The following TMEM45A variants were observed in gnomAD, a reference collection of about 807,000 sequenced individuals.
TMEM45A encodes DNA polymerase-transactivated protein 4.
TMEM45A carries 25 observed loss-of-function variants against 32.0 expected under a neutral mutation model. That is an observed-to-expected ratio of 0.78 (90% CI 0.57 to 1.09). The LOEUF (loss-of-function observed/expected upper bound fraction) is 1.09. Ranked by LOEUF, TMEM45A falls within the 50% of genes least tolerant of loss-of-function variation. TMEM45A has a pLI of 0.00. For synonymous variants in TMEM45A, 122 were observed against 114.8 expected (o/e 1.06, Z -0.40); for missense variants, 302 against 325.0 (o/e 0.93, Z 0.54).
In TMEM45A at chr3:100,539,727, C is replaced by T. The variant is rs540511460; in HGVS notation, c.-3-15482C>T. ...TTATTCTACCTTTTTGTTCTATTCA[C>T]GCCCTCCATGGATTGAATGATGCCC... On this transcript the variant is annotated intron_variant, in intron 1 of 5. Transcript: ENST00000323523. Among the ~76,000 whole-genome samples, 17 of 152,166 alleles carry T rather than the reference C, an allele frequency of 1.1e-4. No individual in the cohort carries two copies. The East Asian group carries it at 1.4e-3, about 12-fold the overall frequency.
intron 1 of TMEM45A, among the ~76,000 whole-genome samples, chr3:100,550,322 G>A (rs1197937684): frequency 1.3e-5 from 2 of 152,108 alleles, no homozygotes; most frequent in African/African-American, 4.8e-5. Flanking sequence ...ATTTGCAGGA[G>A]AAAGTGCTGG....
At chr3:100,571,368 T>A (rs993408400) in intron 5 of TMEM45A, 1 of 151,964 alleles carries the variant, frequency 6.6e-6, no homozygotes, top group Non-Finnish European at 1.5e-5. Context: ...TTTTTTAATT[T>A]TTTTTGCCAA....
chr3:100,558,948 T>C (rs1261299834), intron 4 of TMEM45A, among the ~76,000 whole-genome samples: 1 of 152,218 alleles, frequency 6.6e-6, no homozygotes, highest in Non-Finnish European at 1.5e-5. Flanking sequence ...TATTGAGAAA[T>C]AACTATGTGT....
At chr3:100,509,964 T>C (rs1035929766) in intron 1 of TMEM45A, among the ~76,000 whole-genome samples, 1 of 151,884 alleles carries the variant, frequency 6.6e-6, no homozygotes, top group Non-Finnish European at 1.5e-5. Flanking sequence ...GCTCGGAGGG[T>C]CCTACGCCCA....
intron 1 of TMEM45A, among the ~76,000 whole-genome samples, chr3:100,553,136 T>C (rs1477481001): frequency 6.6e-6 from 1 of 152,230 alleles, no homozygotes; most frequent in Non-Finnish European, 1.5e-5. Context: ...TAATTCATTT[T>C]AAATTTATGA....
At chr3:100,493,777 G>C (rs1304499158) in intron 1 of TMEM45A, among the ~76,000 whole-genome samples, 1 of 152,102 alleles carries the variant, frequency 6.6e-6, no homozygotes, top group Non-Finnish European at 1.5e-5. Flanking sequence ...TGTCGCCAAG[G>C]CTGGAGTGCA....
At chr3:100,560,504 G>C (rs1706311082) in intron 4 of TMEM45A, among the ~76,000 whole-genome samples, 3 of 151,902 alleles carry the variant, frequency 2.0e-5, no homozygotes. Flanking sequence ...ACACTTTTAA[G>C]TTTCCAAAAA....
Position 100,549,967 on chromosome 3 carries a change from G to A in TMEM45A, c.-3-5242G>A, listed in dbSNP as rs1268656089. 6.7e-4 allele frequency among the ~76,000 whole-genome samples: 97 copies of A among 143,850 alleles called. 1 individual carries two copies. Among genetic ancestry groups the A allele is most frequent in the African/African-American group, 2.2e-3 (86 of 38,694 alleles). The allele number at this position is 143,850 out of a possible 152,430, so 94.4% of individuals were successfully genotyped here. On this transcript the variant is annotated intron_variant, in intron 1 of 5. Transcript: ENST00000323523. ...CCACATTTTCTTAATCCAGTCTATC[G>A]TTGTTGGACATTTGGGTTGGTTCCA...
Position 100,494,172 on chromosome 3 carries a change from G to A in TMEM45A, c.-4+1244G>A, listed in dbSNP as rs142774625. On this transcript the variant is annotated intron_variant, in intron 1 of 5. Coordinates refer to ENST00000323523, the MANE Select transcript of TMEM45A (RefSeq NM_018004.3). ...ATATTCAGTTAAGTGAGTGGCCTGAGACCCACTCCATCTGAAACATGTATA... is the reference window on the plus strand; with the variant it reads ...ATATTCAGTTAAGTGAGTGGCCTGAAACCCACTCCATCTGAAACATGTATA... Among the ~76,000 whole-genome samples, 482 of 152,304 alleles carry A rather than the reference G, an allele frequency of 3.2e-3. 4 individuals carry two copies. The highest frequency in any genetic ancestry group is 5.2e-3 in the Non-Finnish European group (351 of 68,026).
intron 1 of TMEM45A, among the ~76,000 whole-genome samples, chr3:100,544,571 A>G (rs1705948928): frequency 6.6e-6 from 1 of 152,080 alleles, no homozygotes; most frequent in Non-Finnish European, 1.5e-5. Context: ...CTATCACTAC[A>G]GTTTTCTCTA....
chr3:100,555,680 A>C (rs1474156288), intron 2 of TMEM45A, among the ~76,000 whole-genome samples: 1 of 152,134 alleles, frequency 6.6e-6, no homozygotes, highest in Non-Finnish European at 1.5e-5. Context: ...AGGCCAGATG[A>C]CTTCTAAGGC....
intron 1 of TMEM45A, among the ~76,000 whole-genome samples, chr3:100,511,916 A>G (rs1708170469): frequency 1.3e-5 from 2 of 152,138 alleles, no homozygotes; most frequent in African/African-American, 4.8e-5. Flanking sequence ...TTCAACAAGA[A>G]GAGCTAACTA....
In TMEM45A at chr3:100,577,056, C is replaced by CT; in HGVS notation, c.*44dup. On this transcript the variant is annotated 3_prime_UTR_variant, in exon 6 of 6. Coordinates refer to ENST00000323523, the MANE Select transcript of TMEM45A (RefSeq NM_018004.3). Reference sequence around the variant, plus strand: ...TCCAGTTTTTCTAGATAAACCTTTTCTTTTTTACATTGTTCTTGGTTTTGT... The same window carrying CT: ...TCCAGTTTTTCTAGATAAACCTTTTCTTTTTTTACATTGTTCTTGGTTTTGT... 1 of 1,472,704 alleles carries CT rather than the reference C, an allele frequency of 6.8e-7. No homozygotes were observed. Among genetic ancestry groups the CT allele is most frequent in the Non-Finnish European group, 9.3e-7 (1 of 1,076,388 alleles). 91.2% of individuals were successfully genotyped at this position (1,472,704 alleles called of 1,614,324 possible).
intron 1 of TMEM45A, among the ~76,000 whole-genome samples, chr3:100,547,620 A>T (rs9820745): frequency 0.42 from 63,504 of 151,580 alleles, 13,464 homozygotes; most frequent in Middle Eastern, 0.49. Context: ...TTTCTTGCTG[A>T]CTTGGGGGTG....
intron 1 of TMEM45A, among the ~76,000 whole-genome samples, chr3:100,545,803 C>A (rs569500669): frequency 1.4e-4 from 22 of 152,216 alleles, no homozygotes; most frequent in African/African-American, 5.3e-4. Context: ...GTGGTAACTG[C>A]CAGACTGTAA....
At chr3:100,534,787 C>T (rs536875996) in intron 1 of TMEM45A, among the ~76,000 whole-genome samples, 1 of 152,346 alleles carries the variant, frequency 6.6e-6, no homozygotes, top group Non-Finnish European at 1.5e-5. Flanking sequence ...TGCACTCTAC[C>T]ATTCACTGGC....
rs1485641017 is a variant in TMEM45A, at chr3:100,511,469, G to A, written c.-4+18541G>A. ...GGCCTGCCCTAAAAGAGCTCCTGAA[G>A]GAAGCGCTAAACATGGAAAGGAACA... is the stretch of plus-strand genomic sequence containing the variant. On this transcript the variant is annotated intron_variant, in intron 1 of 5. Transcript: ENST00000323523. Among the ~76,000 whole-genome samples the A allele has an allele frequency of 4.6e-5, 7 of 151,938 alleles. No individual in the cohort carries two copies. The South Asian group carries it at 1.0e-3, about 23-fold the overall frequency.
intron 1 of TMEM45A, among the ~76,000 whole-genome samples, chr3:100,530,577 A>C (rs1160759662): frequency 6.6e-6 from 1 of 152,208 alleles, no homozygotes; most frequent in Non-Finnish European, 1.5e-5. Context: ...AACCAAATTG[A>C]CACATAAAAT....
At chr3:100,552,942 T>C (rs1001544720) in intron 1 of TMEM45A, among the ~76,000 whole-genome samples, 1 of 152,192 alleles carries the variant, frequency 6.6e-6, no homozygotes, top group Non-Finnish European at 1.5e-5. Flanking sequence ...AAGAGAAGTG[T>C]CTTGGGCACT....
Sources: gnomAD v4.1 joint callset for allele counts (sites outside exome capture counted in the v4.1 genomes callset) on GRCh38, gnomAD v4.1.1 for gene constraint, MANE v1.5 for transcripts, NCBI Gene and HGNC (gene_info 2026-07-23, HGNC 2026-07-21) for gene names.